BCKDHB: variants seen among roughly 807,000 people sequenced by gnomAD.
BCKDHB encodes 2-oxoisovalerate dehydrogenase subunit beta, mitochondrial.
In BCKDHB, 41 loss-of-function variants were observed where a neutral mutation model predicts 48.5. That is an observed-to-expected ratio of 0.85 (90% CI 0.66 to 1.10). BCKDHB has a LOEUF of 1.10. BCKDHB is among the 50% of genes least tolerant of loss of function. The pLI, the probability that BCKDHB is intolerant of heterozygous loss-of-function variation, is 0.00. For missense variants in BCKDHB, 496 were observed against 494.2 expected (o/e 1.00, Z -0.03); for synonymous variants, 201 against 174.8 (o/e 1.15, Z -1.18).
chr6:80,311,583 C>A lies in BCKDHB; in HGVS notation c.1039-32081C>A, dbSNP rs1032571864. ...TGGGTTTTACATGTAACTCTTTAATCCATCTTGAGTTGATTTTTGTATATT... is the reference window on the plus strand; with the variant it reads ...TGGGTTTTACATGTAACTCTTTAATACATCTTGAGTTGATTTTTGTATATT... On this transcript the variant is annotated intron_variant, in intron 9 of 9. Transcript: ENST00000320393. Among the ~76,000 whole-genome samples, 2 of 152,134 alleles carry A rather than the reference C, an allele frequency of 1.3e-5. 1 individual carries two copies.
Position 80,345,651 on chromosome 6 carries a change from C to T in BCKDHB, c.*1847C>T, listed in dbSNP as rs1203971896. 1 of 152,214 alleles carries T rather than the reference C, an allele frequency of 6.6e-6. No homozygotes were observed. Among genetic ancestry groups the T allele is most frequent in the Non-Finnish European group, 1.5e-5 (1 of 68,042 alleles). 9.4% of individuals were successfully genotyped at this position (152,214 alleles called of 1,614,324 possible). On this transcript the variant is annotated 3_prime_UTR_variant, in exon 10 of 10. Transcript: ENST00000320393. ...GTCTTCTTAATGTCTGTGAAAGCAACTGGCATCTACAATAAATCACACTTA... is the reference window on the plus strand; with the variant it reads ...GTCTTCTTAATGTCTGTGAAAGCAATTGGCATCTACAATAAATCACACTTA...
intron 6 of BCKDHB, among the ~76,000 whole-genome samples, chr6:80,199,779 A>G (rs1451591724): frequency 1.4e-5 from 2 of 146,872 alleles, no homozygotes; most frequent in Non-Finnish European, 3.0e-5. Context: ...CTCAAAAAAA[A>G]AAAAAAAAAA....
intron 7 of BCKDHB, 88 bp downstream of exon 7, chr6:80,201,119 A>G (rs1369270026): frequency 1.8e-6 from 2 of 1,125,620 alleles, no homozygotes; most frequent in African/African-American, 3.1e-5. Context: ...ATTGAAAACG[A>G]TGTTTTCTTT....
At chr6:80,360,816 G>A in the BCKDHB span, among the ~76,000 whole-genome samples, 1 of 151,734 alleles carries the variant, frequency 6.6e-6, no homozygotes, top group African/African-American at 2.4e-5. Context: ...GACCAGCCTG[G>A]CCAATATGGT....
chr6:80,247,252 G>A (rs1776655731), intron 8 of BCKDHB, among the ~76,000 whole-genome samples: 1 of 152,220 alleles, frequency 6.6e-6, no homozygotes, highest in Non-Finnish European at 1.5e-5. Flanking sequence ...GGCTGTATCT[G>A]TCTGTCTCTC....
chr6:80,191,266 A>G (rs909886866), intron 6 of BCKDHB, among the ~76,000 whole-genome samples: 2 of 152,190 alleles, frequency 1.3e-5, no homozygotes, highest in Admixed American at 6.5e-5. Flanking sequence ...TATAGCATGT[A>G]TTCCCCGTAT....
At chr6:80,306,547 A>C (rs1356694698) in intron 9 of BCKDHB, among the ~76,000 whole-genome samples, 1 of 152,232 alleles carries the variant, frequency 6.6e-6, no homozygotes, top group Non-Finnish European at 1.5e-5. Context: ...ACACATAAAC[A>C]TATAAGCCAG....
intron 3 of BCKDHB, among the ~76,000 whole-genome samples, chr6:80,141,090 G>A (rs1305944045): frequency 5.3e-5 from 8 of 152,186 alleles, no homozygotes; most frequent in East Asian, 3.9e-4. Flanking sequence ...GTTTATTTGC[G>A]TAGAGGTGTT....
intron 9 of BCKDHB, among the ~76,000 whole-genome samples, chr6:80,303,539 G>A (rs1767693084): frequency 6.6e-6 from 1 of 152,068 alleles, no homozygotes; most frequent in Non-Finnish European, 1.5e-5. Flanking sequence ...ATAAGAGCCA[G>A]AAAGGATACT....
At chr6:80,117,985 A>C (rs1769797268) in intron 1 of BCKDHB, among the ~76,000 whole-genome samples, 1 of 152,146 alleles carries the variant, frequency 6.6e-6, no homozygotes, top group Admixed American at 6.5e-5. Context: ...CTAGGTTCTT[A>C]GCTATGGAAA....
chr6:80,231,021 A>T (rs1327110399), intron 8 of BCKDHB, among the ~76,000 whole-genome samples: 1 of 152,232 alleles, frequency 6.6e-6, no homozygotes, highest in African/African-American at 2.4e-5. Context: ...AAATCAGTGG[A>T]TGTGACTGGA....
intron 3 of BCKDHB, among the ~76,000 whole-genome samples, chr6:80,141,558 T>G (rs1771214329): frequency 6.6e-6 from 1 of 152,086 alleles, no homozygotes; most frequent in East Asian, 1.9e-4. Context: ...GTAATGACCT[T>G]AAGCCAGTTT....
At chr6:80,463,745 T>A in the BCKDHB span, among the ~76,000 whole-genome samples, 1 of 152,210 alleles carries the variant, frequency 6.6e-6, no homozygotes, top group Non-Finnish European at 1.5e-5. Flanking sequence ...TTATATGCCA[T>A]AACATTGAAC....
intron 9 of BCKDHB, among the ~76,000 whole-genome samples, chr6:80,330,805 T>C (rs1274929973): frequency 6.6e-6 from 1 of 152,194 alleles, no homozygotes; most frequent in Non-Finnish European, 1.5e-5. Context: ...TTCCTTCTCA[T>C]ATGACATTTG....
chr6:80,242,972 A>T (rs1776449668), intron 8 of BCKDHB, among the ~76,000 whole-genome samples: 2 of 152,142 alleles, frequency 1.3e-5, no homozygotes, highest in African/African-American at 4.8e-5. Flanking sequence ...GAGAAGGTTG[A>T]CATCTCTCGA....
chr6:80,216,201 G>A (rs1775163983), intron 8 of BCKDHB, among the ~76,000 whole-genome samples: 1 of 152,222 alleles, frequency 6.6e-6, no homozygotes, highest in Non-Finnish European at 1.5e-5. Flanking sequence ...TGGGGAAGGT[G>A]GAGCAGCTTA....
intron 9 of BCKDHB, among the ~76,000 whole-genome samples, chr6:80,283,497 C>T (rs1355807062): frequency 6.6e-6 from 1 of 151,974 alleles, no homozygotes; most frequent in Non-Finnish European, 1.5e-5. Flanking sequence ...CTGTTGTCAC[C>T]CCAGTAAGCT....
At chr6:80,369,968 CTT>C in the BCKDHB span, among the ~76,000 whole-genome samples, 5 of 152,112 alleles carry the variant, frequency 3.3e-5, no homozygotes, top group Admixed American at 1.3e-4. Flanking sequence ...GAGTTTCTCT[CTT>C]ACTATTGTTT....
At chr6:80,225,618 C>T (rs1242022729) in intron 8 of BCKDHB, among the ~76,000 whole-genome samples, 1 of 152,114 alleles carries the variant, frequency 6.6e-6, no homozygotes. Flanking sequence ...TGTTAGAGTA[C>T]TTTGTATCTG....
Sources: gnomAD v4.1 joint callset for allele counts (sites outside exome capture counted in the v4.1 genomes callset) on GRCh38, gnomAD v4.1.1 for gene constraint, MANE v1.5 for transcripts, NCBI Gene and HGNC (gene_info 2026-07-23, HGNC 2026-07-21) for gene names.